Variants in PRORP observed in about 807,000 individuals in gnomAD.
PRORP encodes mitochondrial ribonuclease P catalytic subunit.
Under a neutral mutation model 59.4 loss-of-function variants are expected in PRORP, and 51 were observed. The ratio of observed to expected loss-of-function variants is 0.86; its 90% CI spans 0.69 to 1.08. The LOEUF (loss-of-function observed/expected upper bound fraction) is 1.08. Among genes scored for constraint, PRORP ranks in the 50% least tolerant of loss-of-function variants. PRORP has a pLI of 0.00. For synonymous variants in PRORP, 231 were observed against 245.6 expected, an observed-to-expected ratio of 0.94 and a Z score of 0.55; for missense variants, 646 against 690.3, an observed-to-expected ratio of 0.94 and a Z score of 0.72.
chr14:35,128,115 G>GT (rs1417762883), intron 4 of PRORP, among the ~76,000 whole-genome samples: 1 of 152,128 alleles, frequency 6.6e-6, no homozygotes, highest in African/African-American at 2.4e-5. Context: ...TTAGTATCAC[G>GT]TTAACTGATT....
chr14:35,211,679 T>A (rs922392327), intron 5 of PRORP, among the ~76,000 whole-genome samples: 14 of 152,202 alleles, frequency 9.2e-5, no homozygotes, highest in African/African-American at 3.4e-4. Context: ...TTAAAATACT[T>A]TATTGCTAAA....
In PRORP at chr14:35,143,287, G is replaced by A. The variant is rs552632262; in HGVS notation, c.1167+15676G>A. ...CGATTCTCCTGCCTCAGCCTCCCCC[G>A]AGTAGCTGGGATTACAGGCATATGC... is the stretch of plus-strand genomic sequence containing the variant. On this transcript the variant is annotated intron_variant, in intron 4 of 7. Coordinates refer to ENST00000534898, the MANE Select transcript of PRORP (RefSeq NM_014672.4). Among the ~76,000 whole-genome samples the A allele has an allele frequency of 3.7e-4, 53 of 143,258 alleles. 2 individuals carry two copies. The highest frequency in any genetic ancestry group is 1.2e-3 in the African/African-American group (49 of 40,706). The allele number at this position is 143,258 out of a possible 152,430, so 94.0% of individuals were successfully genotyped here.
chr14:35,272,308 T>C (rs1317325358), intron 7 of PRORP, among the ~76,000 whole-genome samples: 1 of 152,142 alleles, frequency 6.6e-6, no homozygotes, highest in Non-Finnish European at 1.5e-5. Context: ...TTGTTATTCG[T>C]CAATTTAAAA....
chr14:35,236,815 T>G (rs554225452), intron 5 of PRORP, among the ~76,000 whole-genome samples: 2 of 144,952 alleles, frequency 1.4e-5, no homozygotes, highest in South Asian at 4.5e-4. Context: ...AAAACTGAAC[T>G]TGCCATCTTC....
At chr14:35,240,923 C>T (rs930888142) in intron 5 of PRORP, among the ~76,000 whole-genome samples, 7 of 152,068 alleles carry the variant, frequency 4.6e-5, no homozygotes, top group African/African-American at 1.7e-4. Context: ...TGGATTCAAC[C>T]AACCACAGAT....
chr14:35,252,615 C>G (rs918926565), intron 5 of PRORP, among the ~76,000 whole-genome samples: 1 of 152,100 alleles, frequency 6.6e-6, no homozygotes, highest in Non-Finnish European at 1.5e-5. Context: ...TTTACCCTGT[C>G]CAGCTCTCTC....
intron 6 of PRORP, among the ~76,000 whole-genome samples, chr14:35,267,133 G>A (rs1477806811): frequency 1.3e-5 from 2 of 152,120 alleles, no homozygotes; most frequent in Non-Finnish European, 2.9e-5. Context: ...GTTAAGTCAG[G>A]AGTGAGATTA....
At chr14:35,151,631 CACACACAT>C (rs1365982007) in intron 4 of PRORP, among the ~76,000 whole-genome samples, 8 of 114,392 alleles carry the variant, frequency 7.0e-5, no homozygotes, top group Non-Finnish European at 7.3e-5. Flanking sequence ...ACATGCTACA[CACACACAT>C]ACACACACAC....
intron 4 of PRORP, among the ~76,000 whole-genome samples, chr14:35,160,268 T>C (rs2048024571): frequency 6.6e-6 from 1 of 152,246 alleles, no homozygotes; most frequent in Admixed American, 6.5e-5. Flanking sequence ...TTGGACTCTT[T>C]CACCTTTTGG....
intron 2 of PRORP, among the ~76,000 whole-genome samples, chr14:35,126,030 AAAAT>A (rs2047088893): frequency 6.6e-6 from 1 of 152,172 alleles, no homozygotes; most frequent in South Asian, 2.1e-4. Flanking sequence ...TCAAAAGAAA[AAAAT>A]AATGCTGGAA....
chr14:35,241,397 G>A (rs1304693173), intron 5 of PRORP, among the ~76,000 whole-genome samples: 3 of 151,774 alleles, frequency 2.0e-5, no homozygotes, highest in Non-Finnish European at 2.9e-5. Context: ...AAAAGTATAC[G>A]AGGATGGCAA....
chr14:35,133,949 A>T (rs2138816547), intron 4 of PRORP, among the ~76,000 whole-genome samples: 1 of 152,160 alleles, frequency 6.6e-6, no homozygotes, highest in East Asian at 1.9e-4. Context: ...AGAGCACTGG[A>T]TCTTGCCCAA....
chr14:35,160,443 T>A (rs1053913585), intron 4 of PRORP, among the ~76,000 whole-genome samples: 5 of 152,216 alleles, frequency 3.3e-5, no homozygotes, highest in Non-Finnish European at 7.4e-5. Flanking sequence ...TTCAGGAATT[T>A]AAATTTTTCC....
Position 35,217,454 on chromosome 14 carries a change from T to C in PRORP, c.1275+36677T>C, listed in dbSNP as rs117486480. Reference sequence around the variant, plus strand: ...AGGCAAAGGTTGAAGTGAACCAAGATTGTGTCACTGCACTCCGGCCTGGGT... The same window carrying C: ...AGGCAAAGGTTGAAGTGAACCAAGACTGTGTCACTGCACTCCGGCCTGGGT... On this transcript the variant is annotated intron_variant, in intron 5 of 7. Coordinates refer to ENST00000534898, the MANE Select transcript of PRORP (RefSeq NM_014672.4). 6.0e-3 allele frequency among the ~76,000 whole-genome samples: 906 copies of C among 151,134 alleles called. 10 individuals are homozygous for C. The highest frequency in any genetic ancestry group is 0.018 in the African/African-American group (742 of 40,988).
At chr14:35,172,412 C>G (rs2048332384) in intron 4 of PRORP, among the ~76,000 whole-genome samples, 1 of 84,968 alleles carries the variant, frequency 1.2e-5, no homozygotes, top group East Asian at 3.8e-4. Flanking sequence ...TGGTTTCTTT[C>G]TTTCCTTCCT....
chr14:35,178,893 C>T lies in PRORP; in HGVS notation c.1168-1777C>T, dbSNP rs190810089. Among the ~76,000 whole-genome samples the T allele has an allele frequency of 5.6e-4, 86 of 152,224 alleles. 1 individual carries two copies. The highest frequency in any genetic ancestry group is 1.9e-3 in the Admixed American group (29 of 15,284). Reference sequence around the variant, plus strand: ...GTGGCTGGTACCGGTTGTATCTTTCCACGTTTAGTGCTTCCTTCAGAAGCT... The same window carrying T: ...GTGGCTGGTACCGGTTGTATCTTTCTACGTTTAGTGCTTCCTTCAGAAGCT... On this transcript the variant is annotated intron_variant, in intron 4 of 7. Coordinates refer to ENST00000534898, the MANE Select transcript of PRORP (RefSeq NM_014672.4).
intron 5 of PRORP, among the ~76,000 whole-genome samples, chr14:35,181,783 C>CAA (rs71121270): frequency 0.01 from 1,126 of 107,260 alleles, 1 homozygote; most frequent in East Asian, 0.014. Context: ...AAAACTGTCT[C>CAA]AAAAAAAAAA....
intron 5 of PRORP, among the ~76,000 whole-genome samples, chr14:35,189,809 T>G (rs2048836736): frequency 6.6e-6 from 1 of 152,176 alleles, no homozygotes; most frequent in African/African-American, 2.4e-5. Flanking sequence ...ATAAAATTTT[T>G]TTAAAAAATA....
intron 4 of PRORP, among the ~76,000 whole-genome samples, chr14:35,147,815 A>G (rs762431546): frequency 3.3e-5 from 5 of 152,262 alleles, no homozygotes; most frequent in Non-Finnish European, 5.9e-5. Flanking sequence ...AACTAAGTTT[A>G]CGTAATATTC....
Sources: gnomAD v4.1 joint callset for allele counts (sites outside exome capture counted in the v4.1 genomes callset) on GRCh38, gnomAD v4.1.1 for gene constraint, MANE v1.5 for transcripts, NCBI Gene and HGNC (gene_info 2026-07-23, HGNC 2026-07-21) for gene names.